DRAM2: variants seen among roughly 807,000 people sequenced by gnomAD.
DRAM2 encodes DNA damage-regulated autophagy modulator protein 2.
DRAM2 carries 26 observed loss-of-function variants against 33.5 expected under a neutral mutation model. The observed-to-expected ratio is 0.78, with a 90% CI of 0.57 to 1.08. The LOEUF is 1.08. DRAM2 is among the 50% of genes least tolerant of loss of function. DRAM2 has a pLI of 0.00. For missense variants in DRAM2, 311 were observed against 318.1 expected, an observed-to-expected ratio of 0.98 and a Z score of 0.17; for synonymous variants, 98 against 109.5, an observed-to-expected ratio of 0.89 and a Z score of 0.66.
rs374435938 is a variant in DRAM2 at position 111,118,876 on chromosome 1, T to A, written c.622A>T (p.Thr208Ser). 1.6e-5 allele frequency: 25 copies of A among 1,608,814 alleles called. No homozygotes were observed. The highest frequency in any genetic ancestry group is 1.9e-5 in the Non-Finnish European group (22 of 1,177,120). The change falls in exon 9 of 10, where the codon ACT becomes TCT. Residue 208 changes from threonine to serine, a missense_variant. By Grantham distance (58) the Thr-to-Ser change is moderately conservative (BLOSUM62 1). Coordinates refer to ENST00000484310, the MANE Select transcript of DRAM2 (RefSeq NM_001349884.2). ...GACATAGACCATTCTGCTGCAGTAGTGATCATGTGAAGCACATAACCCTGA... is the reference window on the plus strand; with the variant it reads ...GACATAGACCATTCTGCTGCAGTAGAGATCATGTGAAGCACATAACCCTGA... The part of the protein sequence containing the change: ...EDKGYVLHMI[T>S]TAAEWSMSFS...
At chr1:111,121,644 TA>T (rs1407289991) in intron 6 of DRAM2, among the ~76,000 whole-genome samples, 1 of 152,180 alleles carries the variant, frequency 6.6e-6, no homozygotes, top group Non-Finnish European at 1.5e-5. Flanking sequence ...ATTCAATTTT[TA>T]TTTTTTAAGT....
chr1:111,136,291 G>A (rs325930), intron 3 of DRAM2, among the ~76,000 whole-genome samples: 35,812 of 152,038 alleles, frequency 0.24, 5,316 homozygotes, highest in African/African-American at 0.4. Flanking sequence ...GTGAGGCTGG[G>A]TGCGGTGGCT....
At chr1:111,132,959 T>G (rs935838715) in intron 3 of DRAM2, among the ~76,000 whole-genome samples, 16 of 151,836 alleles carry the variant, frequency 1.1e-4, no homozygotes, top group Admixed American at 1.0e-3. Flanking sequence ...GAATTATAGG[T>G]ATGAGCCACC....
In DRAM2 at chr1:111,139,568, T is replaced by C. The variant is rs1487979743; in HGVS notation, c.-146A>G. 6.6e-6 allele frequency: 1 copy of C among 152,264 alleles called. No individual in the cohort carries two copies. Among genetic ancestry groups the C allele is most frequent in the Non-Finnish European group, 1.5e-5 (1 of 68,082 alleles). The allele number at this position is 152,264 out of a possible 1,614,324, so 9.4% of individuals were successfully genotyped here. A position where few individuals can be genotyped will look rare whatever the true frequency, so the allele number is the denominator to read the frequency against. On this transcript the variant is annotated 5_prime_UTR_variant, in exon 2 of 10. Coordinates refer to ENST00000484310, the MANE Select transcript of DRAM2 (RefSeq NM_001349884.2). ...TTTGTGGGAAAGGGTTGAAGATTCT[T>C]GGTAACTGCTTCAACAAACCAGAGG... is the stretch of plus-strand genomic sequence containing the variant.
intron 5 of DRAM2, 148 bp downstream of exon 5, chr1:111,126,079 A>C: frequency 1.7e-6 from 1 of 581,014 alleles, no homozygotes. Context: ...TTTTTCTTTT[A>C]AAAGGAGCAT....
At chr1:111,127,971 T>G (rs879777326) in intron 4 of DRAM2, 2 of 152,184 alleles carry the variant, frequency 1.3e-5, no homozygotes, top group African/African-American at 2.4e-5. Context: ...GTTGTAATAT[T>G]TCTTCTCTTA....
chr1:111,120,405 AAAAAAAAAAAAAAAGAC>A, intron 7 of DRAM2, 94 bp downstream of exon 7: 2 of 440,622 alleles, frequency 4.5e-6, no homozygotes, highest in Non-Finnish European at 6.8e-6. Context: ...AAAAAAAAAA[AAAAAAAAAAAAAAAGAC>A]AAAAAGGCTT....
rs1233129470 is a variant in DRAM2 at position 111,117,358 on chromosome 1, TCTG to T, written c.*799_*801del. ...ATGGTTATGACTTTTATTAATCATA[TCTG>T]CTGTTATTCCCAAACTTCTCAATGT... On this transcript the variant is annotated 3_prime_UTR_variant, in exon 10 of 10. Coordinates refer to ENST00000484310, the MANE Select transcript of DRAM2 (RefSeq NM_001349884.2). 6.6e-6 allele frequency: 1 copy of T among 152,104 alleles called. No individual in the cohort carries two copies. Among genetic ancestry groups the T allele is most frequent in the African/African-American group, 2.4e-5 (1 of 41,446 alleles). 9.4% of individuals were successfully genotyped at this position (152,104 alleles called of 1,614,324 possible).
At chr1:111,132,589 G>A (rs1462406059) in intron 3 of DRAM2, among the ~76,000 whole-genome samples, 1 of 152,146 alleles carries the variant, frequency 6.6e-6, no homozygotes, top group African/African-American at 2.4e-5. Flanking sequence ...AGCTGGTGGA[G>A]AGAAATCTCC....
At chr1:111,119,366 A>C (rs1356738708) in intron 8 of DRAM2, among the ~76,000 whole-genome samples, 1 of 151,994 alleles carries the variant, frequency 6.6e-6, no homozygotes, top group Non-Finnish European at 1.5e-5. Context: ...TTCTTATATA[A>C]AACACCACCA....
intron 3 of DRAM2, among the ~76,000 whole-genome samples, chr1:111,137,049 C>G (rs567106152): frequency 2.0e-5 from 3 of 147,454 alleles, no homozygotes; most frequent in Admixed American, 6.8e-5. Context: ...GTCAGGAGAT[C>G]GAGACCATCC....
intron 5 of DRAM2, 73 bp downstream of exon 5, chr1:111,126,154 A>G (rs1650963230): frequency 1.1e-6 from 1 of 897,284 alleles, no homozygotes; most frequent in South Asian, 1.4e-5. Flanking sequence ...AACAAGTAAC[A>G]CTCCAGTGTT....
rs754946244 is a variant in DRAM2 at position 111,124,823 on chromosome 1, G to A, written c.258C>T (p.Asn86=). The A allele has an allele frequency of 7.4e-6, 12 of 1,613,216 alleles. No individual in the cohort carries two copies. The highest frequency in any genetic ancestry group is 4.0e-5 in the African/African-American group (3 of 74,840). ...KQVHALSPEE[N]VIIKLNKAGL... is the part of the protein sequence containing the mutation. ...CAGCCTTGTTTAATTTGATGATAACGTTCTCTTCAGGACTCAGAGCATGAA... is the reference window on the plus strand; with the variant it reads ...CAGCCTTGTTTAATTTGATGATAACATTCTCTTCAGGACTCAGAGCATGAA... The change falls in exon 6 of 10, where the codon AAC becomes AAT. Residue 86 remains asparagine, a synonymous_variant. Transcript: ENST00000484310.
rs112723801 is a variant in DRAM2, at chr1:111,131,032, C to G, written c.131+392G>C. 2.9e-3 allele frequency among the ~76,000 whole-genome samples: 448 copies of G among 151,954 alleles called. 3 individuals are homozygous for G. Among genetic ancestry groups the G allele is most frequent in the African/African-American group, 7.5e-3 (309 of 41,454 alleles). ...ATCTCCAAAAAAAAAAAGAAAATTA[C>G]TTCGTACGCAGTAAGCATATTAAGA... On this transcript the variant is annotated intron_variant, in intron 4 of 9. Coordinates refer to ENST00000484310, the MANE Select transcript of DRAM2 (RefSeq NM_001349884.2).
chr1:111,137,050 G>A (rs1444454768), intron 3 of DRAM2, among the ~76,000 whole-genome samples: 7 of 151,674 alleles, frequency 4.6e-5, no homozygotes, highest in East Asian at 1.9e-4. Context: ...TCAGGAGATC[G>A]AGACCATCCT....
intron 3 of DRAM2, among the ~76,000 whole-genome samples, chr1:111,137,186 G>A (rs567741718): frequency 1.1e-4 from 17 of 150,796 alleles, no homozygotes; most frequent in African/African-American, 2.9e-4. Flanking sequence ...CCCGGGGGGC[G>A]GAGCCTGCAG....
intron 6 of DRAM2, 82 bp downstream of exon 6, chr1:111,124,660 T>C (rs1310508733): frequency 1.4e-6 from 2 of 1,450,328 alleles, no homozygotes; most frequent in Non-Finnish European, 1.9e-6. Context: ...CAACAGCATG[T>C]AACTGAATGC....
At position 111,119,861 on chromosome 1, in the gene DRAM2, G is replaced by A. The variant is rs1405005936; in HGVS notation, c.600+16C>T. On this transcript the variant is annotated intron_variant, in intron 8 of 9. Coordinates refer to ENST00000484310, the MANE Select transcript of DRAM2 (RefSeq NM_001349884.2). ...TCTTTAATATAAAACTAAGTTTATA[G>A]ACTGTAAGTTCTTACTTTGTCCTCG... 1.2e-6 allele frequency: 2 copies of A among 1,601,104 alleles called. No individual in the cohort carries two copies. Among genetic ancestry groups the A allele is most frequent in the South Asian group, 2.2e-5 (2 of 90,568 alleles).
chr1:111,119,121 A>G (rs187633283), intron 8 of DRAM2, among the ~76,000 whole-genome samples: 1 of 152,108 alleles, frequency 6.6e-6, no homozygotes, highest in East Asian at 1.9e-4. Context: ...AAAATTTCCA[A>G]TTAAATAGCT....
Sources: gnomAD v4.1 joint callset for allele counts (sites outside exome capture counted in the v4.1 genomes callset) on GRCh38, gnomAD v4.1.1 for gene constraint, MANE v1.5 for transcripts, NCBI Gene and HGNC (gene_info 2026-07-23, HGNC 2026-07-21) for gene names.